Variants in EHMT1 observed in about 807,000 individuals in gnomAD.
The protein encoded by EHMT1 is euchromatic histone lysine methyltransferase 1, also known as histone-lysine N-methyltransferase EHMT1.
Under a neutral mutation model 147.2 loss-of-function variants are expected in EHMT1, and 15 were observed. That is an observed-to-expected ratio of 0.10 (90% CI 0.07 to 0.16). The LOEUF (loss-of-function observed/expected upper bound fraction) is 0.16, where lower values mean the gene tolerates loss of function less well. Among genes scored for constraint, EHMT1 ranks in the 10% least tolerant of loss-of-function variants. The probability of loss-of-function intolerance (pLI) is 1.00; values close to 1 mark genes in which losing one functional copy is unlikely to be tolerated. For missense variants in EHMT1, 1,587 were observed against 1,772.4 expected (o/e 0.90, Z 1.88); for synonymous variants, 795 against 709.6 (o/e 1.12, Z -1.91).
chr9:137,700,862 T>C (rs1326036718), intron 1 of EHMT1, among the ~76,000 whole-genome samples: 3 of 152,218 alleles, frequency 2.0e-5, no homozygotes, highest in Admixed American at 1.3e-4. Context: ...GTTCTCACAC[T>C]GCTATAAAGA....
chr9:137,697,422 C>T (rs1943481752), intron 1 of EHMT1, among the ~76,000 whole-genome samples: 1 of 152,190 alleles, frequency 6.6e-6, no homozygotes, highest in African/African-American at 2.4e-5. Context: ...CCTGCTCTGC[C>T]CACTGGGATC....
chr9:137,627,414 C>T (rs906690909), intron 1 of EHMT1, among the ~76,000 whole-genome samples: 4 of 151,640 alleles, frequency 2.6e-5, no homozygotes, highest in African/African-American at 7.3e-5. Flanking sequence ...AGGTGCGCAC[C>T]ACCACTCCGG....
chr9:137,666,581 T>C (rs550108137), intron 1 of EHMT1, among the ~76,000 whole-genome samples: 19 of 152,224 alleles, frequency 1.2e-4, no homozygotes, highest in Non-Finnish European at 2.6e-4. Context: ...CAGCTGGCTC[T>C]TTGCCATGCA....
chr9:137,714,924 C>CT (rs754182303), intron 2 of EHMT1, among the ~76,000 whole-genome samples: 1 of 152,008 alleles, frequency 6.6e-6, no homozygotes, highest in South Asian at 2.1e-4. Flanking sequence ...TTCTATTTAA[C>CT]TTTTTTTTCA....
intron 1 of EHMT1, among the ~76,000 whole-genome samples, chr9:137,694,838 T>A (rs1943264359): frequency 6.6e-6 from 1 of 152,158 alleles, no homozygotes; most frequent in African/African-American, 2.4e-5. Flanking sequence ...GCCCAGGAAT[T>A]TGATGTTGCA....
intron 6 of EHMT1, chr9:137,748,107 G>A (rs1261336161): frequency 6.6e-6 from 1 of 152,084 alleles, no homozygotes; most frequent in Non-Finnish European, 1.5e-5. Context: ...TCTGAGACCT[G>A]TTGGGAGAGT....
At chr9:137,777,788 T>G (rs1951068978) in intron 12 of EHMT1, 94 bp from the exon 13 acceptor site, 2 of 1,545,078 alleles carry the variant, frequency 1.3e-6, no homozygotes, top group Non-Finnish European at 1.8e-6. Context: ...AATCCGCAGC[T>G]CTCACTTAGA....
chr9:137,726,586 G>A (rs1946654172), intron 3 of EHMT1, among the ~76,000 whole-genome samples: 1 of 152,140 alleles, frequency 6.6e-6, no homozygotes, highest in Admixed American at 6.5e-5. Context: ...CAACGTGGGT[G>A]TACAAGCATC....
At chr9:137,803,454 C>T in intron 18 of EHMT1, 1 of 305,570 alleles carries the variant, frequency 3.3e-6, no homozygotes, top group Non-Finnish European at 4.8e-6. Flanking sequence ...AGGGCTCTCA[C>T]CATGGGCAGC....
At chr9:137,689,272 G>A (rs1288028935) in intron 1 of EHMT1, among the ~76,000 whole-genome samples, 2 of 152,232 alleles carry the variant, frequency 1.3e-5, no homozygotes, top group African/African-American at 2.4e-5. Flanking sequence ...TTGTATGTGA[G>A]TTTGGTATGT....
intron 1 of EHMT1, among the ~76,000 whole-genome samples, chr9:137,627,115 C>T (rs956696028): frequency 2.6e-5 from 4 of 152,070 alleles, no homozygotes; most frequent in Admixed American, 6.6e-5. Flanking sequence ...TGCGCCACCA[C>T]GCTCGGCTAA....
intron 18 of EHMT1, 152 bp from the exon 19 acceptor site, chr9:137,811,309 C>A: frequency 1.0e-6 from 1 of 992,808 alleles, no homozygotes; most frequent in Non-Finnish European, 1.5e-6. Context: ...ATCCGGTGAC[C>A]TGTGGCACCC....
In EHMT1 at chr9:137,819,791, C is replaced by T. The variant is rs1588885863; in HGVS notation, c.3540+1653C>T. Among the ~76,000 whole-genome samples, 9 of 152,084 alleles carry T rather than the reference C, an allele frequency of 5.9e-5. No individual in the cohort carries two copies. In the South Asian group the frequency reaches 1.7e-3, roughly 28 times the overall value. On this transcript the variant is annotated intron_variant, in intron 25 of 26. Coordinates refer to ENST00000460843, the MANE Select transcript of EHMT1 (RefSeq NM_024757.5). ...CACGTCCCTTGTGTCCCCAGCCCAC[C>T]CAATCCCCACTGCCCAGGCGCTAGA...
chr9:137,711,828 G>T (rs1236160310), intron 2 of EHMT1, among the ~76,000 whole-genome samples: 1 of 152,178 alleles, frequency 6.6e-6, no homozygotes, highest in African/African-American at 2.4e-5. Flanking sequence ...AAGGGTGGCG[G>T]CCGTGGGAGC....
intron 1 of EHMT1, among the ~76,000 whole-genome samples, chr9:137,673,858 T>C (rs988644735): frequency 3.3e-5 from 5 of 152,212 alleles, no homozygotes; most frequent in Admixed American, 2.0e-4. Flanking sequence ...TCTGTATGTG[T>C]CAACATATTA....
At chr9:137,672,737 C>T (rs1175567368) in intron 1 of EHMT1, among the ~76,000 whole-genome samples, 1 of 152,174 alleles carries the variant, frequency 6.6e-6, no homozygotes, top group Non-Finnish European at 1.5e-5. Context: ...AAATAGTCAA[C>T]TCCTTAGGTT....
At chr9:137,781,474 T>C (rs1460949215) in intron 14 of EHMT1, among the ~76,000 whole-genome samples, 1 of 152,144 alleles carries the variant, frequency 6.6e-6, no homozygotes, top group Non-Finnish European at 1.5e-5. Flanking sequence ...TGTGTGGTCA[T>C]GACGCTGGAA....
chr9:137,630,410 C>A (rs965317730), intron 1 of EHMT1, among the ~76,000 whole-genome samples: 1 of 152,184 alleles, frequency 6.6e-6, no homozygotes, highest in Non-Finnish European at 1.5e-5. Flanking sequence ...ATGAGTTAGT[C>A]TAGGTCTTTT....
rs146023325 is a variant in EHMT1 at position 137,658,278 on chromosome 9, G to A, written c.21+39229G>A. On this transcript the variant is annotated intron_variant, in intron 1 of 26. Coordinates refer to ENST00000460843, the MANE Select transcript of EHMT1 (RefSeq NM_024757.5). The stretch of plus-strand genomic sequence containing the variant: ...TGATTCTTGTGCCTCAGCCTCCTGA[G>A]TAGCTGGCATTACAGGCTGGTGCCT... 4.8e-3 allele frequency among the ~76,000 whole-genome samples: 734 copies of A among 152,210 alleles called. 6 individuals carry two copies. The highest frequency in any genetic ancestry group is 0.015 in the African/African-American group (619 of 41,524).
Sources: allele counts gnomAD v4.1 joint callset (sites outside exome capture counted in the v4.1 genomes callset), GRCh38; gene constraint gnomAD v4.1.1; transcripts MANE v1.5; gene names NCBI Gene and HGNC (gene_info 2026-07-23, HGNC 2026-07-21).